MLC1: variants seen among roughly 807,000 people sequenced by gnomAD.
MLC1 encodes membrane protein MLC1.
MLC1 carries 32 observed loss-of-function variants against 44.7 expected under a neutral mutation model. That is an observed-to-expected ratio of 0.72 (90% CI 0.54 to 0.96). The LOEUF (loss-of-function observed/expected upper bound fraction) is 0.96. Among genes scored for constraint, MLC1 ranks in the 40% least tolerant of loss-of-function variants. The probability of loss-of-function intolerance (pLI) is 0.00; values close to 1 mark genes in which losing one functional copy is unlikely to be tolerated. For synonymous variants in MLC1, 190 were observed against 213.0 expected, an observed-to-expected ratio of 0.89 and a Z score of 0.94; for missense variants, 459 against 492.2, an observed-to-expected ratio of 0.93 and a Z score of 0.64.
chr22:50,061,393 C>T lies in MLC1; in HGVS notation c.*190G>A, dbSNP rs1224373435. The T allele has an allele frequency of 1.5e-6, 1 of 649,046 alleles. No individual in the cohort carries two copies. 40.2% of individuals were successfully genotyped at this position (649,046 alleles called of 1,614,324 possible). The stretch of plus-strand genomic sequence containing the variant: ...GGAGCTGACTGATCTCACTGAGGCA[C>T]AGACTAGCCAACATTGGCCTATTTT... On this transcript the variant is annotated 3_prime_UTR_variant, in exon 12 of 12. Coordinates refer to ENST00000311597, the MANE Select transcript of MLC1 (RefSeq NM_015166.4).
intron 8 of MLC1, among the ~76,000 whole-genome samples, chr22:50,072,163 G>T (rs993931411): frequency 7.9e-5 from 12 of 152,248 alleles, no homozygotes; most frequent in African/African-American, 2.9e-4. Flanking sequence ...CAGGGCCCCA[G>T]TGAGCCATGG....
At chr22:50,074,761 C>T (rs557496017) in intron 7 of MLC1, 6 of 244,802 alleles carry the variant, frequency 2.5e-5, no homozygotes, top group African/African-American at 8.8e-5. Flanking sequence ...CACACCCACC[C>T]GTGCCATGTG....
Position 50,077,398 on chromosome 22 carries a change from C to T in MLC1, c.525+3G>A. ...GCCCTGCGGGGTCAGAAGCTGCACC[C>T]ACCTTCTTTTTCTTGCAGTCCTCCT... is the stretch of plus-strand genomic sequence containing the variant. On this transcript the variant is annotated splice_donor_region_variant and intron_variant, in intron 6 of 11. Coordinates refer to ENST00000311597, the MANE Select transcript of MLC1 (RefSeq NM_015166.4). 6.2e-7 allele frequency: 1 copy of T among 1,613,628 alleles called. No homozygotes were observed. The highest frequency in any genetic ancestry group is 1.1e-5 in the South Asian group (1 of 91,018).
rs1229701185 is a variant in MLC1, at chr22:50,061,214, C to T, written c.*369G>A. 1.6e-5 allele frequency: 6 copies of T among 365,084 alleles called. No homozygotes were observed. Among genetic ancestry groups the T allele is most frequent in the African/African-American group, 1.3e-4 (6 of 47,210 alleles). 22.6% of individuals were successfully genotyped at this position (365,084 alleles called of 1,614,324 possible). On this transcript the variant is annotated 3_prime_UTR_variant, in exon 12 of 12. Transcript: ENST00000311597. ...GCAGGGACCCACAGTCTGGTCAGGT[C>T]CAGAGAGCCCACTCCAGCCCAAGCC...
intron 10 of MLC1, among the ~76,000 whole-genome samples, chr22:50,066,398 G>A (rs1409309836): frequency 6.6e-6 from 1 of 152,160 alleles, no homozygotes; most frequent in Non-Finnish European, 1.5e-5. Flanking sequence ...GGTGGCTCAC[G>A]TCTGTAATCC....
At chr22:50,067,963 CA>C (rs973524358) in intron 10 of MLC1, among the ~76,000 whole-genome samples, 35 of 117,562 alleles carry the variant, frequency 3.0e-4, no homozygotes, top group African/African-American at 9.3e-4. Flanking sequence ...AAAAAAAAAA[CA>C]AAAAAACAAA....
At chr22:50,085,234 C>G (rs1386030147) in intron 1 of MLC1, 121 bp downstream of exon 1, 1 of 1,229,972 alleles carries the variant, frequency 8.1e-7, no homozygotes, top group Non-Finnish European at 1.0e-6. Flanking sequence ...CATCCATCGG[C>G]AACTTCGTCC....
rs144706206 is a variant in MLC1 at position 50,076,876 on chromosome 22, C to T, written c.562G>A (p.Val188Met). 5 of 1,613,840 alleles carry T rather than the reference C, an allele frequency of 3.1e-6. No individual in the cohort carries two copies. In the African/African-American group the frequency reaches 6.7e-5, roughly 22 times the overall value. The change falls in exon 7 of 12, where the codon GTG (valine) becomes ATG (methionine). Residue 188 changes from valine to methionine, a missense_variant. Physicochemically the swap from Val to Met is conservative, Grantham distance 21. Coordinates refer to ENST00000311597, the MANE Select transcript of MLC1 (RefSeq NM_015166.4). ...MSDSANILDEVPFPARVLKSY... is the reference protein window; with the variant it reads ...MSDSANILDEMPFPARVLKSY... ...TTCAGGACCCGAGCAGGAAATGGCA[C>T]TTCGTCCAGAATGTTGGCGCTGTCA... is the stretch of plus-strand genomic sequence containing the variant.
At chr22:50,066,521 G>A (rs1365568672) in intron 10 of MLC1, among the ~76,000 whole-genome samples, 1 of 152,138 alleles carries the variant, frequency 6.6e-6, no homozygotes, top group Non-Finnish European at 1.5e-5. Context: ...TTAGCCGGGT[G>A]TGTTGGCATA....
At chr22:50,078,746 A>G (rs991434121) in intron 5 of MLC1, among the ~76,000 whole-genome samples, 1 of 152,004 alleles carries the variant, frequency 6.6e-6, no homozygotes, top group African/African-American at 2.4e-5. Flanking sequence ...CAAAAAAAAA[A>G]AAAAATGACA....
In MLC1 at chr22:50,083,252, A is replaced by T; in HGVS notation, c.178-79T>A. 7.6e-7 allele frequency: 1 copy of T among 1,312,570 alleles called. No individual in the cohort carries two copies. The highest frequency in any genetic ancestry group is 1.2e-5 in the South Asian group (1 of 84,282). 81.3% of individuals were successfully genotyped at this position (1,312,570 alleles called of 1,614,324 possible). On this transcript the variant is annotated intron_variant, in intron 2 of 11. Transcript: ENST00000311597. The surrounding 1 kb of genome is among the most constrained non-coding windows in gnomAD (Gnocchi z 4.6). ...ACCCTGACCCTTCAACTTCTGCTTC[A>T]CTGTCTGTGTATTGGTGACTCACCC... is the stretch of plus-strand genomic sequence containing the variant.
At chr22:50,073,704 C>A (rs1381311059) in intron 8 of MLC1, among the ~76,000 whole-genome samples, 1 of 152,088 alleles carries the variant, frequency 6.6e-6, no homozygotes, top group African/African-American at 2.4e-5. Flanking sequence ...CCACTGCACT[C>A]CAGCCTGGGT....
At chr22:50,069,738 T>C (rs981254078) in intron 9 of MLC1, among the ~76,000 whole-genome samples, 4 of 152,162 alleles carry the variant, frequency 2.6e-5, no homozygotes, top group Non-Finnish European at 5.9e-5. Flanking sequence ...CCTTCACTGC[T>C]CTGAAGTCTG....
At chr22:50,068,233 C>T (rs570331341) in intron 10 of MLC1, among the ~76,000 whole-genome samples, 200 bp downstream of exon 10, 9 of 152,316 alleles carry the variant, frequency 5.9e-5, no homozygotes, top group Admixed American at 3.9e-4. Flanking sequence ...AGATACAGGG[C>T]GGAATCGAGG....
Position 50,061,262 on chromosome 22 carries a change from C to G in MLC1, c.*321G>C. On this transcript the variant is annotated 3_prime_UTR_variant, in exon 12 of 12. Transcript: ENST00000311597. Reference sequence around the variant, plus strand: ...GCCATGAGAGAGGCAGGAAGAGGAGCTGGGGCCAGTTCAGGGGTGGGGCTC... The same window carrying G: ...GCCATGAGAGAGGCAGGAAGAGGAGGTGGGGCCAGTTCAGGGGTGGGGCTC... 2.3e-6 allele frequency: 1 copy of G among 435,394 alleles called. No individual in the cohort carries two copies. Among genetic ancestry groups the G allele is most frequent in the East Asian group, 4.8e-5 (1 of 20,698 alleles). 27.0% of individuals were successfully genotyped at this position (435,394 alleles called of 1,614,324 possible).
intron 7 of MLC1, chr22:50,074,701 C>T (rs968837569): frequency 2.8e-5 from 9 of 322,610 alleles, no homozygotes; most frequent in African/African-American, 1.1e-4. Context: ...TGGACCCCAT[C>T]GAAGGGACTC....
intron 11 of MLC1, among the ~76,000 whole-genome samples, chr22:50,062,973 C>T (rs375488270): frequency 2.1e-4 from 32 of 152,304 alleles, no homozygotes; most frequent in African/African-American, 6.0e-4. Flanking sequence ...CCCAGCTTTA[C>T]GGAGCCCCAT....
At chr22:50,082,160 G>C (rs2062158357) in intron 3 of MLC1, among the ~76,000 whole-genome samples, 1 of 152,128 alleles carries the variant, frequency 6.6e-6, no homozygotes, top group South Asian at 2.1e-4. Context: ...GCTGAAGCAG[G>C]AGGGGCGTGG....
chr22:50,076,107 A>C (rs901866496), intron 7 of MLC1, among the ~76,000 whole-genome samples: 13 of 152,228 alleles, frequency 8.5e-5, no homozygotes, highest in African/African-American at 2.7e-4. Context: ...AAGATGGTAA[A>C]AATAAGTAGA....
Sources: allele counts gnomAD v4.1 joint callset (sites outside exome capture counted in the v4.1 genomes callset), GRCh38; gene constraint gnomAD v4.1.1; non-coding constraint Gnocchi (gnomAD v3.1); transcripts MANE v1.5; gene names NCBI Gene and HGNC (gene_info 2026-07-23, HGNC 2026-07-21).